MAL2: variants seen among roughly 807,000 people sequenced by gnomAD.
MAL2 encodes the protein mal, T cell differentiation protein 2, also known as protein MAL2.
In MAL2, 17 loss-of-function variants were observed where a neutral mutation model predicts 18.1. That is an observed-to-expected ratio of 0.94 (90% CI 0.64 to 1.41). MAL2 has a LOEUF of 1.41. Ranked by LOEUF, MAL2 falls within the 40% of genes most tolerant of loss-of-function variation. The pLI is 0.00. For missense variants in MAL2, 222 were observed against 231.9 expected, an observed-to-expected ratio of 0.96 and a Z score of 0.28; for synonymous variants, 102 against 102.3, an observed-to-expected ratio of 1.00 and a Z score of 0.02.
chr8:119,238,139 ATAACATAC>A, intron 2 of MAL2, among the ~76,000 whole-genome samples: 1 of 152,342 alleles, frequency 6.6e-6, no homozygotes, highest in South Asian at 2.1e-4. Context: ...TTATATACCA[ATAACATAC>A]AAACAGGGAG....
intron 2 of MAL2, among the ~76,000 whole-genome samples, chr8:119,239,659 CTA>C (rs1818002683): frequency 6.6e-6 from 1 of 151,612 alleles, no homozygotes; most frequent in African/African-American, 2.4e-5. Context: ...TCTCAGTAAA[CTA>C]TCGCAAGAAC....
intron 3 of MAL2, among the ~76,000 whole-genome samples, chr8:119,242,071 A>G (rs187383483): frequency 7.2e-5 from 11 of 152,278 alleles, no homozygotes; most frequent in Admixed American, 2.6e-4. Context: ...ATTTGCCTTT[A>G]TGTGTTTCTT....
Position 119,243,608 on chromosome 8 carries a change from G to T in MAL2, c.*120G>T. ...TTCCAAAAGTAATGTGTTTAGTAGA[G>T]AGAGACTCTAAGCTCAAGTTCTGGT... On this transcript the variant is annotated 3_prime_UTR_variant, in exon 4 of 4. Transcript: ENST00000614891. The T allele has an allele frequency of 1.4e-6, 1 of 709,880 alleles. No individual in the cohort carries two copies. The highest frequency in any genetic ancestry group is 2.1e-6 in the Non-Finnish European group (1 of 478,734). 44.0% of individuals were successfully genotyped at this position (709,880 alleles called of 1,614,324 possible). A position where few individuals can be genotyped will look rare whatever the true frequency, so the allele number is the denominator to read the frequency against.
Position 119,208,483 on chromosome 8 carries a change from G to T in MAL2, c.11G>T (p.Gly4Val), listed in dbSNP as rs1197359200. MSA[G>V]GASVPPPPNP... ...AGCGGCAGCGGCAGCATGTCGGCCG[G>T]CGGAGCGTCAGTCCCGCCGCCCCCG... The change falls in exon 1 of 4, where the codon GGC becomes GTC. Residue 4 changes from glycine to valine, a missense_variant. By Grantham distance (109) the Gly-to-Val change is moderately radical. Coordinates refer to ENST00000614891, the MANE Select transcript of MAL2 (RefSeq NM_052886.3). The surrounding 1 kb of genome is among the most constrained non-coding windows in gnomAD (Gnocchi z 4.3). 3.4e-5 allele frequency: 44 copies of T among 1,276,022 alleles called. No homozygotes were observed. Among genetic ancestry groups the T allele is most frequent in the Non-Finnish European group, 4.0e-5 (40 of 1,010,520 alleles). The allele number at this position is 1,276,022 out of a possible 1,614,324, so 79.0% of individuals were successfully genotyped here.
intron 3 of MAL2, among the ~76,000 whole-genome samples, chr8:119,241,891 G>T (rs1417914200): frequency 6.6e-6 from 1 of 152,046 alleles, no homozygotes; most frequent in Admixed American, 6.6e-5. Flanking sequence ...GGAGGAAGAG[G>T]GCCTTGAATG....
At position 119,208,523 on chromosome 8, in the gene MAL2, C is replaced by G. The variant is rs552500910; in HGVS notation, c.51C>G (p.Ser17=). The G allele has an allele frequency of 7.2e-4, 1,002 of 1,384,386 alleles. 6 individuals carry two copies. The African/African-American group carries it at 0.013, about 18-fold the overall frequency. 85.8% of individuals were successfully genotyped at this position (1,384,386 alleles called of 1,614,324 possible). Residue 17 remains serine (S), a synonymous_variant, in exon 1 of 4, where the codon TCC becomes TCG. Transcript: ENST00000614891. The surrounding 1 kb of genome is among the most constrained non-coding windows in gnomAD (Gnocchi z 4.3). ...SVPPPPNPAV[S]FPPPRVTLPA... is the part of the protein sequence containing the mutation. ...CGCCGCCCCCGAACCCCGCCGTGTC[C>G]TTCCCGCCGCCCCGGGTCACCCTGC...
intron 1 of MAL2, among the ~76,000 whole-genome samples, chr8:119,219,513 C>G (rs374582000): frequency 2.2e-3 from 305 of 137,992 alleles, no homozygotes; most frequent in African/African-American, 8.0e-3. Flanking sequence ...CTCTATCACT[C>G]TCCCTGGGTG....
chr8:119,212,296 T>A (rs1817279628), intron 1 of MAL2, among the ~76,000 whole-genome samples: 1 of 152,224 alleles, frequency 6.6e-6, no homozygotes, highest in South Asian at 2.1e-4. Context: ...TGTGTTTTAT[T>A]TTGCAGTTTT....
At position 119,245,458 on chromosome 8, in the gene MAL2, A is replaced by G. The variant is rs1256789025; in HGVS notation, c.*1970A>G. 6.6e-6 allele frequency: 1 copy of G among 152,634 alleles called. No homozygotes were observed. Among genetic ancestry groups the G allele is most frequent in the Non-Finnish European group, 1.5e-5 (1 of 68,030 alleles). The allele number at this position is 152,634 out of a possible 1,614,324, so 9.5% of individuals were successfully genotyped here. ...GATTGTTACAAACCAAGCCTAAGAC[A>G]CATCTGTGAATACTTAGATTTGTAG... On this transcript the variant is annotated 3_prime_UTR_variant, in exon 4 of 4. Transcript: ENST00000614891.
Position 119,240,275 on chromosome 8 carries a change from G to C in MAL2, c.414G>C (p.Gln138His). ...DLHCNTTITG[Q>H]PLLSDNQYNI... ...ATTGCAATACAACCATAACCGGGCA[G>C]CCACTCCTGAGTGATAACCAGTATA... Residue 138 changes from glutamine (Q) to histidine (H), a missense_variant, in exon 3 of 4, where the codon CAG becomes CAC. Physicochemically the swap from Gln to His is conservative, Grantham distance 24 (BLOSUM62 0). Transcript: ENST00000614891. 1 of 1,613,718 alleles carries C rather than the reference G, an allele frequency of 6.2e-7. No homozygotes were observed. Among genetic ancestry groups the C allele is most frequent in the Non-Finnish European group, 8.5e-7 (1 of 1,179,810 alleles).
intron 1 of MAL2, among the ~76,000 whole-genome samples, chr8:119,216,044 C>T (rs921406283): frequency 1.3e-5 from 2 of 151,878 alleles, no homozygotes; most frequent in African/African-American, 4.8e-5. Flanking sequence ...CTGAACACTT[C>T]TATAACCATG....
chr8:119,227,276 G>A (rs1563772883), intron 2 of MAL2, among the ~76,000 whole-genome samples: 1 of 152,200 alleles, frequency 6.6e-6, no homozygotes, highest in Admixed American at 6.5e-5. Flanking sequence ...GGATTGAGAA[G>A]TACAAGAGTT....
intron 2 of MAL2, among the ~76,000 whole-genome samples, chr8:119,223,088 T>C (rs1490199891): frequency 6.6e-6 from 1 of 152,188 alleles, no homozygotes; most frequent in African/African-American, 2.4e-5. Context: ...TATATTCCTT[T>C]CAAGTATAAC....
At chr8:119,218,474 C>G (rs926302186) in intron 1 of MAL2, among the ~76,000 whole-genome samples, 3 of 152,056 alleles carry the variant, frequency 2.0e-5, no homozygotes, top group Admixed American at 1.3e-4. Context: ...TTTCCAGATT[C>G]TTCCCATTAT....
At chr8:119,234,433 A>G (rs1393434312) in intron 2 of MAL2, among the ~76,000 whole-genome samples, 2 of 152,202 alleles carry the variant, frequency 1.3e-5, no homozygotes, top group Admixed American at 1.3e-4. Context: ...GCAGCCCGGA[A>G]GCTCGAACTG....
At chr8:119,230,266 G>C (rs1277900749) in intron 2 of MAL2, among the ~76,000 whole-genome samples, 1 of 152,146 alleles carries the variant, frequency 6.6e-6, no homozygotes, top group Non-Finnish European at 1.5e-5. Context: ...TATGACCCTG[G>C]CTGGATAGGA....
intron 2 of MAL2, 68 bp from the exon 3 acceptor site, chr8:119,240,097 A>G (rs1479411094): frequency 1.5e-5 from 23 of 1,491,164 alleles, no homozygotes; most frequent in Non-Finnish European, 2.1e-5. Flanking sequence ...CCTAAACTTC[A>G]TTATTTAAAA....
At chr8:119,233,285 A>G (rs925574117) in intron 2 of MAL2, among the ~76,000 whole-genome samples, 4 of 152,224 alleles carry the variant, frequency 2.6e-5, no homozygotes, top group Admixed American at 6.5e-5. Flanking sequence ...GAGCAAACAA[A>G]CACATTCAAA....
At position 119,243,679 on chromosome 8, in the gene MAL2, T is replaced by C; in HGVS notation, c.*191T>C. ...TAATTTTATTATGATATTAAAGAAA[T>C]GGCCTTTTATTTTACATCTCTCCCC... On this transcript the variant is annotated 3_prime_UTR_variant, in exon 4 of 4. Coordinates refer to ENST00000614891, the MANE Select transcript of MAL2 (RefSeq NM_052886.3). The C allele has an allele frequency of 4.8e-6, 2 of 414,100 alleles. No individual in the cohort carries two copies. The highest frequency in any genetic ancestry group is 4.2e-6 in the Non-Finnish European group (1 of 236,184). The allele number at this position is 414,100 out of a possible 1,614,324, so 25.7% of individuals were successfully genotyped here.
Sources: gnomAD v4.1 joint callset for allele counts (sites outside exome capture counted in the v4.1 genomes callset) on GRCh38, gnomAD v4.1.1 for gene constraint, Gnocchi (gnomAD v3.1) non-coding constraint, MANE v1.5 for transcripts, NCBI Gene and HGNC (gene_info 2026-07-23, HGNC 2026-07-21) for gene names.